LRFN5: variants seen among roughly 807,000 people sequenced by gnomAD.
The protein encoded by LRFN5 is leucine-rich repeat and fibronectin type-III domain-containing protein 5.
In LRFN5, 24 loss-of-function variants were observed where a neutral mutation model predicts 45.6. That is an observed-to-expected ratio of 0.53 (90% CI 0.38 to 0.74). LRFN5 has a LOEUF of 0.74. Ranked by LOEUF, LRFN5 falls within the 30% of genes least tolerant of loss-of-function variation. The pLI is 0.00. For synonymous variants in LRFN5, 340 were observed against 313.8 expected, an observed-to-expected ratio of 1.08 and a Z score of -0.88; for missense variants, 776 against 861.5, an observed-to-expected ratio of 0.90 and a Z score of 1.24.
At chr14:41,650,691 AAGAACAAAAAGGAAGAAAAC>A (rs1371373693) in intron 1 of LRFN5, among the ~76,000 whole-genome samples, 2 of 152,146 alleles carry the variant, frequency 1.3e-5, no homozygotes, top group Admixed American at 1.3e-4. Flanking sequence ...AATATTTATA[AAGAACAAAAAGGAAGAAAAC>A]ATCTTGAAGT....
chr14:41,767,110 T>C (rs944617383), intron 2 of LRFN5, 81 bp downstream of exon 2: 7 of 152,596 alleles, frequency 4.6e-5, no homozygotes, highest in African/African-American at 1.7e-4. Context: ...CTTGCTAACT[T>C]ACATACAAAT....
chr14:41,681,579 C>T (rs1881883116), intron 1 of LRFN5, among the ~76,000 whole-genome samples: 1 of 151,856 alleles, frequency 6.6e-6, no homozygotes, highest in African/African-American at 2.4e-5. Context: ...TAAAGACTTT[C>T]CCAGATGAAC....
chr14:41,819,960 T>TG (rs1031644092), intron 2 of LRFN5, among the ~76,000 whole-genome samples: 9 of 9,974 alleles, frequency 9.0e-4, no homozygotes, highest in Non-Finnish European at 1.6e-3. Flanking sequence ...GGGTTATTTG[T>TG]TTTTTTTTTT....
chr14:41,675,192 A>G (rs1446430312), intron 1 of LRFN5, among the ~76,000 whole-genome samples: 1 of 152,150 alleles, frequency 6.6e-6, no homozygotes, highest in Non-Finnish European at 1.5e-5. Flanking sequence ...CTCACTTCCC[A>G]GACGGGGTGG....
At chr14:41,830,597 G>A (rs935682868) in intron 2 of LRFN5, among the ~76,000 whole-genome samples, 1 of 152,110 alleles carries the variant, frequency 6.6e-6, no homozygotes, top group Non-Finnish European at 1.5e-5. Flanking sequence ...TGAATTATAG[G>A]AGATGAAGTC....
At chr14:41,842,381 T>G (rs75662073) in intron 2 of LRFN5, among the ~76,000 whole-genome samples, 1,656 of 152,232 alleles carry the variant, frequency 0.011, 15 homozygotes, top group Non-Finnish European at 0.018. Flanking sequence ...CAACAAATAG[T>G]TATGTCAAAA....
chr14:41,891,202 GTGTTT>G (rs1890767602), intron 3 of LRFN5, 43 bp from the exon 4 acceptor site: 1 of 1,410,286 alleles, frequency 7.1e-7, no homozygotes, highest in South Asian at 1.2e-5. Flanking sequence ...TTCTGTGTAT[GTGTTT>G]TGTTTTGTTA....
intron 2 of LRFN5, among the ~76,000 whole-genome samples, chr14:41,788,443 G>A (rs1886806099): frequency 1.3e-5 from 2 of 151,966 alleles, no homozygotes; most frequent in Admixed American, 1.3e-4. Flanking sequence ...GCCAGATATG[G>A]CGTAAGTATT....
chr14:41,751,459 T>G (rs1242390237), intron 1 of LRFN5, among the ~76,000 whole-genome samples: 2 of 152,122 alleles, frequency 1.3e-5, no homozygotes, highest in Non-Finnish European at 2.9e-5. Flanking sequence ...ACATATGTAT[T>G]GGCTTAAGAA....
chr14:41,649,822 A>T (rs537443690), intron 1 of LRFN5, among the ~76,000 whole-genome samples: 2 of 151,872 alleles, frequency 1.3e-5, no homozygotes, highest in South Asian at 4.2e-4. Flanking sequence ...TTCCTACTTG[A>T]CCCTGCTGTA....
intron 1 of LRFN5, among the ~76,000 whole-genome samples, chr14:41,758,973 T>C (rs999970658): frequency 6.6e-6 from 1 of 152,156 alleles, no homozygotes; most frequent in African/African-American, 2.4e-5. Flanking sequence ...ATTTGTTGTA[T>C]GTAGGTGAAG....
intron 1 of LRFN5, among the ~76,000 whole-genome samples, chr14:41,684,822 C>A (rs1050258270): frequency 2.6e-5 from 4 of 152,236 alleles, no homozygotes; most frequent in Non-Finnish European, 4.4e-5. Flanking sequence ...AGTTAAAAAC[C>A]TTCTGCACAG....
At chr14:41,782,458 A>G (rs1886563357) in intron 2 of LRFN5, among the ~76,000 whole-genome samples, 1 of 152,124 alleles carries the variant, frequency 6.6e-6, no homozygotes, top group Non-Finnish European at 1.5e-5. Context: ...TAGAGCCCTT[A>G]ACATATTAAT....
chr14:41,726,205 T>A (rs1883925912), intron 1 of LRFN5, among the ~76,000 whole-genome samples: 1 of 152,142 alleles, frequency 6.6e-6, no homozygotes, highest in Non-Finnish European at 1.5e-5. Flanking sequence ...CAATTATTAT[T>A]TTTTCATTAT....
Position 41,695,123 on chromosome 14 carries a change from A to C in LRFN5, c.-196-71731A>C, listed in dbSNP as rs567576173. ...TGGAGAAACTTTTAGCAGTTCAGAC[A>C]GAAAATGAAACCAGCCACAGCACAT... is the stretch of plus-strand genomic sequence containing the variant. On this transcript the variant is annotated intron_variant, in intron 1 of 5. Transcript: ENST00000298119. Among the ~76,000 whole-genome samples the C allele has an allele frequency of 4.6e-5, 7 of 152,096 alleles. No individual in the cohort carries two copies. The East Asian group carries it at 1.4e-3, about 29-fold the overall frequency.
At chr14:41,611,298 C>CG (rs1243859583) in intron 1 of LRFN5, among the ~76,000 whole-genome samples, 3 of 152,094 alleles carry the variant, frequency 2.0e-5, no homozygotes, top group Non-Finnish European at 4.4e-5. Context: ...GTTCCTAAGG[C>CG]GGGGGGAAAA....
intron 2 of LRFN5, among the ~76,000 whole-genome samples, chr14:41,870,818 G>C (rs963223022): frequency 6.6e-6 from 1 of 152,052 alleles, no homozygotes; most frequent in Non-Finnish European, 1.5e-5. Flanking sequence ...TTACACAAAA[G>C]TGTATACACC....
At chr14:41,663,888 A>G (rs1880773121) in intron 1 of LRFN5, among the ~76,000 whole-genome samples, 1 of 152,084 alleles carries the variant, frequency 6.6e-6, no homozygotes, top group South Asian at 2.1e-4. Context: ...TAAATGAAAA[A>G]CCTCTCATAT....
chr14:41,641,772 T>C (rs1879590210), intron 1 of LRFN5, among the ~76,000 whole-genome samples: 1 of 152,096 alleles, frequency 6.6e-6, no homozygotes, highest in African/African-American at 2.4e-5. Context: ...TGAAGGGTAA[T>C]TGTGCCACCC....
Sources: gnomAD v4.1 joint callset for allele counts (sites outside exome capture counted in the v4.1 genomes callset) on GRCh38, gnomAD v4.1.1 for gene constraint, MANE v1.5 for transcripts, NCBI Gene and HGNC (gene_info 2026-07-23, HGNC 2026-07-21) for gene names.